The following MACROD2 variants were observed in gnomAD, a reference collection of about 807,000 sequenced individuals.
MACROD2 encodes the protein ADP-ribose glycohydrolase MACROD2.
A neutral mutation model predicts 70.4 loss-of-function variants in MACROD2; 36 were observed. That is an observed-to-expected ratio of 0.51 (90% CI 0.39 to 0.68). The LOEUF is 0.68. Among genes scored for constraint, MACROD2 ranks in the 30% least tolerant of loss-of-function variants. The pLI is 0.00. For synonymous variants in MACROD2, 172 were observed against 178.8 expected, an observed-to-expected ratio of 0.96 and a Z score of 0.30; for missense variants, 496 against 538.4, an observed-to-expected ratio of 0.92 and a Z score of 0.78.
chr20:14,004,398 CT>C (rs1374001820), intron 2 of MACROD2, among the ~76,000 whole-genome samples: 1 of 152,174 alleles, frequency 6.6e-6, no homozygotes, highest in Non-Finnish European at 1.5e-5. Flanking sequence ...CTTGAAAGTC[CT>C]CCATGGGGAA....
At position 15,775,347 on chromosome 20, in the gene MACROD2, G is replaced by C. The variant is rs1226234649; in HGVS notation, c.646-87398G>C. Among the ~76,000 whole-genome samples, 4 of 152,202 alleles carry C rather than the reference G, an allele frequency of 2.6e-5. No homozygotes were observed. The East Asian group carries it at 7.7e-4, about 29-fold the overall frequency. ...CTGCACATTCTCCATAGACTGGACA[G>C]AACCATTCCATGGTCAGTGTTCTCT... On this transcript the variant is annotated intron_variant, in intron 8 of 17. Coordinates refer to ENST00000684519, the MANE Select transcript of MACROD2 (RefSeq NM_001351661.2).
chr20:14,289,087 A>C (rs749907568), intron 3 of MACROD2, among the ~76,000 whole-genome samples: 14 of 152,186 alleles, frequency 9.2e-5, no homozygotes, highest in Non-Finnish European at 1.8e-4. Context: ...GAGGACTCAG[A>C]GAATTGCTCT....
intron 8 of MACROD2, among the ~76,000 whole-genome samples, chr20:15,761,740 C>T (rs768367805): frequency 2.0e-5 from 3 of 152,208 alleles, no homozygotes; most frequent in Admixed American, 2.0e-4. Context: ...GTACCAGTCT[C>T]GGCCAACCGC....
intron 8 of MACROD2, among the ~76,000 whole-genome samples, chr20:15,556,998 A>T (rs1254038765): frequency 6.6e-6 from 1 of 152,164 alleles, no homozygotes; most frequent in Non-Finnish European, 1.5e-5. Context: ...TAGCTTGACC[A>T]TTGCAAGTAG....
intron 3 of MACROD2, among the ~76,000 whole-genome samples, chr20:14,280,434 A>G (rs949138271): frequency 1.3e-5 from 2 of 152,170 alleles, no homozygotes; most frequent in Admixed American, 6.5e-5. Context: ...TGATTGTGCA[A>G]TGCCTAATAA....
chr20:15,652,578 A>G (rs1215666084), intron 8 of MACROD2, among the ~76,000 whole-genome samples: 3 of 152,190 alleles, frequency 2.0e-5, no homozygotes, highest in African/African-American at 7.2e-5. Context: ...CTTGCAGTGG[A>G]CACTATTAAC....
chr20:15,427,127 ACT>A (rs1245827465), intron 6 of MACROD2, among the ~76,000 whole-genome samples: 3 of 151,986 alleles, frequency 2.0e-5, no homozygotes, highest in Non-Finnish European at 4.4e-5. Flanking sequence ...TTTCCACAAT[ACT>A]CTATTTCCAT....
intron 5 of MACROD2, among the ~76,000 whole-genome samples, chr20:14,843,901 G>C (rs2073112248): frequency 6.6e-6 from 1 of 151,844 alleles, no homozygotes; most frequent in African/African-American, 2.4e-5. Flanking sequence ...TCTGATGCTT[G>C]CAACCTGCCA....
intron 2 of MACROD2, among the ~76,000 whole-genome samples, chr20:14,008,750 G>A (rs117014550): frequency 0.026 from 3,901 of 152,230 alleles, 70 homozygotes; most frequent in Non-Finnish European, 0.039. Flanking sequence ...AAAATGGCAT[G>A]GGACTGGTAC....
At chr20:14,476,094 T>C (rs1190352431) in intron 3 of MACROD2, among the ~76,000 whole-genome samples, 1 of 152,168 alleles carries the variant, frequency 6.6e-6, no homozygotes, top group Non-Finnish European at 1.5e-5. Context: ...TATATCTGTC[T>C]GATATATTCT....
At chr20:15,355,211 C>G (rs2078273206) in intron 6 of MACROD2, among the ~76,000 whole-genome samples, 1 of 152,194 alleles carries the variant, frequency 6.6e-6, no homozygotes, top group Non-Finnish European at 1.5e-5. Flanking sequence ...GCCATTTGTA[C>G]TTTGCCATCT....
At chr20:15,881,149 C>T (rs2064749510) in intron 9 of MACROD2, among the ~76,000 whole-genome samples, 1 of 151,958 alleles carries the variant, frequency 6.6e-6, no homozygotes, top group Admixed American at 6.6e-5. Context: ...ATTTGACTAG[C>T]AAAAATAGTT....
At chr20:15,314,057 A>C (rs1386565906) in intron 6 of MACROD2, among the ~76,000 whole-genome samples, 1 of 152,194 alleles carries the variant, frequency 6.6e-6, no homozygotes, top group Non-Finnish European at 1.5e-5. Context: ...GTAAAATATC[A>C]TTAAAAGGTA....
At chr20:15,876,183 T>C (rs542395171) in intron 9 of MACROD2, among the ~76,000 whole-genome samples, 1 of 150,982 alleles carries the variant, frequency 6.6e-6, no homozygotes, top group South Asian at 2.1e-4. Context: ...GTTACATATG[T>C]ATACATGTGC....
intron 3 of MACROD2, among the ~76,000 whole-genome samples, chr20:14,379,802 A>G (rs2083405129): frequency 6.6e-6 from 1 of 152,038 alleles, no homozygotes; most frequent in Admixed American, 6.6e-5. Flanking sequence ...ACTCCTTTTT[A>G]AGGCTGAATA....
intron 15 of MACROD2, among the ~76,000 whole-genome samples, chr20:16,013,547 A>C (rs532922244): frequency 1.4e-4 from 21 of 152,326 alleles, no homozygotes; most frequent in Admixed American, 7.2e-4. Flanking sequence ...TTTCTACAAC[A>C]ACTGCTGCAT....
intron 5 of MACROD2, among the ~76,000 whole-genome samples, chr20:15,228,710 G>C (rs547960292): frequency 3.4e-4 from 52 of 151,868 alleles, no homozygotes; most frequent in African/African-American, 1.2e-3. Context: ...GGATGGTCTC[G>C]ATTTCCTAAC....
chr20:15,662,315 C>T (rs1167378508), intron 8 of MACROD2, among the ~76,000 whole-genome samples: 1 of 152,176 alleles, frequency 6.6e-6, no homozygotes. Flanking sequence ...GCATTTAGCT[C>T]CTGAATTCAT....
rs11358439 is a variant in MACROD2, at chr20:14,718,292, C to CAAAAAAAAAAAAAA, written c.418+33346_418+33359dup. Among the ~76,000 whole-genome samples, 41 of 54,650 alleles carry CAAAAAAAAAAAAAA rather than the reference C, an allele frequency of 7.5e-4. 1 individual carries two copies. The highest frequency in any genetic ancestry group is 1.0e-3 in the Non-Finnish European group (34 of 33,468). The allele number at this position is 54,650 out of a possible 152,430, so 35.9% of individuals were successfully genotyped here. ...TGGGCGACAGAGAGAGACTCTGTCT[C>CAAAAAAAAAAAAAA]AAAAAAAAAAAAAAAAAAAAAAAAA... On this transcript the variant is annotated intron_variant, in intron 5 of 17. Transcript: ENST00000684519.
Sources: allele counts gnomAD v4.1 joint callset (sites outside exome capture counted in the v4.1 genomes callset), GRCh38; gene constraint gnomAD v4.1.1; transcripts MANE v1.5; gene names NCBI Gene and HGNC (gene_info 2026-07-23, HGNC 2026-07-21).